MPPED2: variants seen among roughly 807,000 people sequenced by gnomAD.
The protein encoded by MPPED2 is metallophosphoesterase MPPED2.
In MPPED2, 5 loss-of-function variants were observed where a neutral mutation model predicts 33.0. The ratio of observed to expected loss-of-function variants is 0.15; its 90% CI spans 0.08 to 0.32. The LOEUF (loss-of-function observed/expected upper bound fraction) is 0.32. MPPED2 is among the 10% of genes least tolerant of loss of function. The pLI, the probability that MPPED2 is intolerant of heterozygous loss-of-function variation, is 1.00. For missense variants in MPPED2, 275 were observed against 372.1 expected (o/e 0.74, Z 2.15); for synonymous variants, 136 against 141.9 (o/e 0.96, Z 0.29).
At chr11:30,440,947 T>G (rs528857725) in intron 4 of MPPED2, among the ~76,000 whole-genome samples, 11 of 152,230 alleles carry the variant, frequency 7.2e-5, no homozygotes, top group Non-Finnish European at 1.6e-4. Context: ...AACATATATG[T>G]GAAATGCTGA....
At chr11:30,512,799 A>C (rs532419191) in intron 3 of MPPED2, among the ~76,000 whole-genome samples, 2 of 152,288 alleles carry the variant, frequency 1.3e-5, no homozygotes, top group South Asian at 4.1e-4. Flanking sequence ...TCAGGAGTTC[A>C]AGACCAGCCT....
At chr11:30,433,757 G>A (rs1050790689) in intron 4 of MPPED2, among the ~76,000 whole-genome samples, 1 of 152,094 alleles carries the variant, frequency 6.6e-6, no homozygotes, top group South Asian at 2.1e-4. Flanking sequence ...TAGAAAATTC[G>A]TTCACATTTC....
At chr11:30,456,471 G>A (rs1035329669) in intron 4 of MPPED2, among the ~76,000 whole-genome samples, 3 of 152,112 alleles carry the variant, frequency 2.0e-5, no homozygotes, top group African/African-American at 7.2e-5. Flanking sequence ...CACTTGGGCG[G>A]TAAAGCAGAG....
chr11:30,573,513 T>A (rs1016502307), intron 2 of MPPED2, among the ~76,000 whole-genome samples: 5 of 152,190 alleles, frequency 3.3e-5, no homozygotes, highest in East Asian at 3.9e-4. Context: ...GAAGAAGGCA[T>A]TGTCATCACA....
At chr11:30,489,575 T>C (rs1951882398) in intron 4 of MPPED2, among the ~76,000 whole-genome samples, 1 of 152,232 alleles carries the variant, frequency 6.6e-6, no homozygotes, top group Admixed American at 6.5e-5. Context: ...CATTTTAGAA[T>C]TGCACTGCCT....
chr11:30,410,064 C>T, downstream of MPPED2: 1 of 974,744 alleles, frequency 1.0e-6, no homozygotes, highest in African/African-American at 1.8e-5. Context: ...ATCTGCCAGC[C>T]TGTGAATGGT....
chr11:30,547,533 G>A (rs917415703), intron 2 of MPPED2, among the ~76,000 whole-genome samples: 1 of 152,192 alleles, frequency 6.6e-6, no homozygotes, highest in Non-Finnish European at 1.5e-5. Flanking sequence ...TTGGAAGTTA[G>A]AATCTGGATT....
intron 4 of MPPED2, among the ~76,000 whole-genome samples, chr11:30,463,198 A>G (rs16920711): frequency 3.9e-5 from 6 of 152,222 alleles, no homozygotes; most frequent in Admixed American, 3.9e-4. Context: ...ATCAATTGCA[A>G]TGTAATCCTG....
intron 2 of MPPED2, among the ~76,000 whole-genome samples, chr11:30,537,942 C>T (rs181739960): frequency 3.6e-4 from 55 of 152,174 alleles, no homozygotes; most frequent in African/African-American, 1.3e-3. Context: ...TGGTTACACT[C>T]AGTCTCGGTG....
At chr11:30,416,238 C>T (rs374085421) in intron 5 of MPPED2, among the ~76,000 whole-genome samples, 3 of 152,316 alleles carry the variant, frequency 2.0e-5, no homozygotes, top group East Asian at 1.9e-4. Flanking sequence ...ATATAATTCC[C>T]ATGTCTGCAA....
chr11:30,401,325 G>A (rs1947905830), intron 6 of MPPED2, among the ~76,000 whole-genome samples: 1 of 152,144 alleles, frequency 6.6e-6, no homozygotes, highest in South Asian at 2.1e-4. Flanking sequence ...TCTCTCTTTG[G>A]CCTAACTCTG....
chr11:30,414,823 T>G (rs908508570), intron 5 of MPPED2, among the ~76,000 whole-genome samples: 1 of 152,164 alleles, frequency 6.6e-6, no homozygotes, highest in African/African-American at 2.4e-5. Context: ...TCTTACCCCT[T>G]GTGGTTCCGG....
At chr11:30,444,882 T>C (rs1285375427) in intron 4 of MPPED2, among the ~76,000 whole-genome samples, 1 of 152,232 alleles carries the variant, frequency 6.6e-6, no homozygotes, top group Non-Finnish European at 1.5e-5. Flanking sequence ...ATTAAATAAA[T>C]TTCAGCATAT....
chr11:30,447,820 C>A (rs1461213780), intron 4 of MPPED2, among the ~76,000 whole-genome samples: 2 of 152,128 alleles, frequency 1.3e-5, no homozygotes, highest in African/African-American at 4.8e-5. Flanking sequence ...TTTCGTGAGT[C>A]CCTGCCCTAG....
chr11:30,533,984 A>T (rs1356081457), intron 3 of MPPED2, among the ~76,000 whole-genome samples: 3 of 152,118 alleles, frequency 2.0e-5, no homozygotes, highest in African/African-American at 7.2e-5. Context: ...CATTTGGCAC[A>T]TTCCCCATTC....
chr11:30,443,533 G>A lies in MPPED2; in HGVS notation c.537-25900C>T, dbSNP rs78576828. 2.2e-3 allele frequency among the ~76,000 whole-genome samples: 332 copies of A among 152,202 alleles called. 2 individuals are homozygous for A. The highest frequency in any genetic ancestry group is 7.4e-3 in the African/African-American group (308 of 41,514). ...GAAGACGGGGCAGGGATTGCAGGTG[G>A]GAGGGTGGGGAGTGAAAGCAGACAA... is the stretch of plus-strand genomic sequence containing the variant. On this transcript the variant is annotated intron_variant, in intron 4 of 6. Transcript: ENST00000358117.
intron 4 of MPPED2, among the ~76,000 whole-genome samples, 176 bp from the exon 5 acceptor site, chr11:30,417,809 A>C (rs1006867694): frequency 6.6e-6 from 1 of 152,186 alleles, no homozygotes; most frequent in Non-Finnish European, 1.5e-5. Context: ...TCCATTTGAA[A>C]GTAAGCGTGG....
rs2311562 is a variant in MPPED2 at position 30,518,158 on chromosome 11, T to C, written c.310+17836A>G. 8.2e-3 allele frequency among the ~76,000 whole-genome samples: 1,256 copies of C among 152,278 alleles called. 61 individuals carry two copies. The highest frequency in any genetic ancestry group is 0.072 in the Admixed American group (1,106 of 15,296). ...ACACACAGTCTCTGCTTAGGATCTT[T>C]CTAGATATTCTAGACACTCTTTTAA... On this transcript the variant is annotated intron_variant, in intron 3 of 6. Coordinates refer to ENST00000358117, the MANE Select transcript of MPPED2 (RefSeq NM_001584.3).
intron 3 of MPPED2, among the ~76,000 whole-genome samples, chr11:30,517,946 T>C (rs560366557): frequency 6.6e-6 from 1 of 152,198 alleles, no homozygotes. Context: ...GGTTTACTTA[T>C]GGTAAAAACG....
Sources: allele counts gnomAD v4.1 joint callset (sites outside exome capture counted in the v4.1 genomes callset), GRCh38; gene constraint gnomAD v4.1.1; transcripts MANE v1.5; gene names NCBI Gene and HGNC (gene_info 2026-07-23, HGNC 2026-07-21).